The following ITIH2 variants were observed in gnomAD, a reference collection of about 807,000 sequenced individuals.
ITIH2 encodes the protein inter-alpha-trypsin inhibitor heavy chain 2, also known as inter-alpha-trypsin inhibitor heavy chain H2.
ITIH2 carries 103 observed loss-of-function variants against 104.4 expected under a neutral mutation model. The observed-to-expected ratio is 0.99, with a 90% CI of 0.84 to 1.16. The LOEUF is 1.16. Among genes scored for constraint, ITIH2 ranks in the 50% most tolerant of loss-of-function variants. ITIH2 has a pLI of 0.00. For missense variants in ITIH2, 1,108 were observed against 1,162.4 expected, an observed-to-expected ratio of 0.95 and a Z score of 0.68; for synonymous variants, 436 against 435.4, an observed-to-expected ratio of 1.00 and a Z score of -0.02.
intron 15 of ITIH2, among the ~76,000 whole-genome samples, chr10:7,735,669 CTTTTCTT>C (rs1261289757): frequency 6.9e-6 from 1 of 144,008 alleles, no homozygotes; most frequent in Non-Finnish European, 1.5e-5. Context: ...CTTTTCTTTT[CTTTTCTT>C]TTTTTTTTTT....
chr10:7,705,479 G>T (rs1834737860), intron 2 of ITIH2, among the ~76,000 whole-genome samples: 2 of 152,088 alleles, frequency 1.3e-5, no homozygotes, highest in Admixed American at 1.3e-4. Flanking sequence ...GCCAAGGAGG[G>T]AGGATCACTT....
intron 20 of ITIH2, among the ~76,000 whole-genome samples, chr10:7,748,231 A>T (rs7094052): frequency 0.57 from 81,961 of 144,184 alleles, 23,985 homozygotes; most frequent in East Asian, 0.66. Flanking sequence ...TACATATATA[A>T]ATAAATATAT....
rs1202282363 is a variant in ITIH2, at chr10:7,717,688, T to G, written c.530T>G (p.Val177Gly). Residue 177 changes from valine to glycine, a missense_variant, in exon 6 of 21, where the codon GTG becomes GGG. Coordinates refer to ENST00000358415, the MANE Select transcript of ITIH2 (RefSeq NM_002216.3). ...TEVNVLPGAK[V>G]QFELHYQEVK... ...GTAAATGTCCTCCCAGGAGCAAAGG[T>G]GCAGTTCGAACTTCACTACCAGGAG... The G allele has an allele frequency of 3.1e-6, 5 of 1,613,756 alleles. No individual in the cohort carries two copies. The Admixed American group carries it at 8.3e-5, about 27-fold the overall frequency.
intron 2 of ITIH2, among the ~76,000 whole-genome samples, chr10:7,706,738 G>C (rs1834750873): frequency 6.6e-6 from 1 of 152,168 alleles, no homozygotes; most frequent in Non-Finnish European, 1.5e-5. Flanking sequence ...TTCTGCTGGA[G>C]CTGAGATCTG....
At chr10:7,733,342 T>C (rs7901580) in intron 14 of ITIH2, among the ~76,000 whole-genome samples, 48,753 of 151,730 alleles carry the variant, frequency 0.32, 8,566 homozygotes, top group African/African-American at 0.47. Context: ...ATGACCCGCC[T>C]GCCTCGGCTT....
At chr10:7,739,185 C>T (rs1161794204) in intron 16 of ITIH2, among the ~76,000 whole-genome samples, 1 of 152,138 alleles carries the variant, frequency 6.6e-6, no homozygotes, top group African/African-American at 2.4e-5. Flanking sequence ...GGAGCTGCCC[C>T]GGGGAAATGG....
At chr10:7,727,641 A>G (rs2277226) in intron 10 of ITIH2, 62 bp from the exon 11 acceptor site, 1,221,967 of 1,581,622 alleles carry the variant, frequency 0.77, 473,961 homozygotes, top group Admixed American at 0.87. Context: ...CTGAATCCAG[A>G]ATGGGATTTT....
intron 12 of ITIH2, among the ~76,000 whole-genome samples, chr10:7,731,073 C>G (rs75253746): frequency 2.0e-5 from 3 of 152,090 alleles, no homozygotes; most frequent in Admixed American, 6.5e-5. Context: ...CATGTGCCAC[C>G]AGGCCCGGCT....
At position 7,743,675 on chromosome 10, in the gene ITIH2, G is replaced by A. The variant is rs551899445; in HGVS notation, c.2210-407G>A. Among the ~76,000 whole-genome samples the A allele has an allele frequency of 9.2e-4, 140 of 152,180 alleles. 2 individuals carry two copies. The highest frequency in any genetic ancestry group is 3.2e-3 in the African/African-American group (134 of 41,510). Reference sequence around the variant, plus strand: ...ACACACCTGTAATCCCAGCTACTCAGGAGGCTGAGGCAGGAGAATTGCTTG... The same window carrying A: ...ACACACCTGTAATCCCAGCTACTCAAGAGGCTGAGGCAGGAGAATTGCTTG... On this transcript the variant is annotated intron_variant, in intron 17 of 20. Coordinates refer to ENST00000358415, the MANE Select transcript of ITIH2 (RefSeq NM_002216.3).
At chr10:7,747,872 T>G (rs7093883) in intron 20 of ITIH2, among the ~76,000 whole-genome samples, 1 of 151,678 alleles carries the variant, frequency 6.6e-6, no homozygotes, top group Non-Finnish European at 1.5e-5. Context: ...GCACTCCAGC[T>G]TGGGTAACAG....
chr10:7,708,928 A>C, intron 3 of ITIH2, 94 bp from the exon 4 acceptor site: 3 of 1,049,830 alleles, frequency 2.9e-6, no homozygotes, highest in Non-Finnish European at 4.4e-6. Flanking sequence ...TAAAACAAGT[A>C]AAATGTAGTG....
intron 16 of ITIH2, among the ~76,000 whole-genome samples, chr10:7,739,926 C>G (rs1835108068): frequency 6.6e-6 from 1 of 151,844 alleles, no homozygotes; most frequent in South Asian, 2.1e-4. Flanking sequence ...TGGCTTACGC[C>G]TGTAATCCCA....
At chr10:7,715,379 C>T (rs1466851365) in intron 5 of ITIH2, among the ~76,000 whole-genome samples, 2 of 152,102 alleles carry the variant, frequency 1.3e-5, no homozygotes, top group African/African-American at 4.8e-5. Flanking sequence ...CGACATTGTG[C>T]CACTGCATTC....
At chr10:7,734,686 C>A (rs1034529085) in intron 14 of ITIH2, among the ~76,000 whole-genome samples, 1 of 152,280 alleles carries the variant, frequency 6.6e-6, no homozygotes, top group South Asian at 2.1e-4. Context: ...CAGGGCGAGA[C>A]CTTGTCTCAA....
chr10:7,704,051 C>A (rs1834722603), intron 1 of ITIH2, among the ~76,000 whole-genome samples: 1 of 152,180 alleles, frequency 6.6e-6, no homozygotes, highest in African/African-American at 2.4e-5. Context: ...AGATAGCAGG[C>A]AGGGTGGAAA....
Position 7,709,946 on chromosome 10 carries a change from C to T in ITIH2, c.362+755C>T, listed in dbSNP as rs369761146. 1.8e-4 allele frequency among the ~76,000 whole-genome samples: 27 copies of T among 152,208 alleles called. No homozygotes were observed. The East Asian group carries it at 4.6e-3, about 26-fold the overall frequency. On this transcript the variant is annotated intron_variant, in intron 4 of 20. Coordinates refer to ENST00000358415, the MANE Select transcript of ITIH2 (RefSeq NM_002216.3). ...TCGGCTCACTGCAAGCTCCGCCTCCCGGGTTCACACCATTCTCCTGCCTCA... is the reference window on the plus strand; with the variant it reads ...TCGGCTCACTGCAAGCTCCGCCTCCTGGGTTCACACCATTCTCCTGCCTCA...
intron 11 of ITIH2, 65 bp downstream of exon 11, chr10:7,727,893 G>A (rs1192685570): frequency 6.4e-7 from 1 of 1,570,236 alleles, no homozygotes; most frequent in Non-Finnish European, 8.7e-7. Context: ...ATGGTGGTTT[G>A]CCTAAAAGGG....
At chr10:7,748,521 C>CCTTTTTTT (rs1835202332) in intron 20 of ITIH2, among the ~76,000 whole-genome samples, 2 of 27,124 alleles carry the variant, frequency 7.4e-5, no homozygotes, top group Non-Finnish European at 1.3e-4. Flanking sequence ...CCAATGCATT[C>CCTTTTTTT]TTTTTTTTTT....
At position 7,703,339 on chromosome 10, in the gene ITIH2, C is replaced by G; in HGVS notation, c.-96C>G. Reference sequence around the variant, plus strand: ...TTCTTCTTTCTTAAAGCGAACTGTACTCCTCTGCTGTTCCTTTGAACTTGG... The same window carrying G: ...TTCTTCTTTCTTAAAGCGAACTGTAGTCCTCTGCTGTTCCTTTGAACTTGG... On this transcript the variant is annotated 5_prime_UTR_variant, in exon 1 of 21. Coordinates refer to ENST00000358415, the MANE Select transcript of ITIH2 (RefSeq NM_002216.3). 2.6e-6 allele frequency: 2 copies of G among 783,170 alleles called. No individual in the cohort carries two copies. The highest frequency in any genetic ancestry group is 4.5e-6 in the Non-Finnish European group (2 of 442,648). The allele number at this position is 783,170 out of a possible 1,614,324, so 48.5% of individuals were successfully genotyped here.
Sources: gnomAD v4.1 joint callset for allele counts (sites outside exome capture counted in the v4.1 genomes callset) on GRCh38, gnomAD v4.1.1 for gene constraint, MANE v1.5 for transcripts, NCBI Gene and HGNC (gene_info 2026-07-23, HGNC 2026-07-21) for gene names.